RFX3: variants seen among roughly 807,000 people sequenced by gnomAD.
RFX3 encodes the protein regulatory factor X3, also known as transcription factor RFX3.
Under a neutral mutation model 98.6 loss-of-function variants are expected in RFX3, and 14 were observed. The observed-to-expected ratio is 0.14, with a 90% CI of 0.09 to 0.22. The LOEUF (loss-of-function observed/expected upper bound fraction) is 0.22. RFX3 is among the 10% of genes least tolerant of loss of function. The pLI is 1.00. For synonymous variants in RFX3, 383 were observed against 328.4 expected (o/e 1.17, Z -1.80); for missense variants, 639 against 926.9 (o/e 0.69, Z 4.03).
At chr9:3,513,003 C>A (rs1020285453) in intron 1 of RFX3, among the ~76,000 whole-genome samples, 3 of 152,030 alleles carry the variant, frequency 2.0e-5, no homozygotes, top group African/African-American at 7.2e-5. Flanking sequence ...TGAGAATATG[C>A]AATTTTGTAT....
intron 1 of RFX3, among the ~76,000 whole-genome samples, chr9:3,500,961 A>T (rs1030237791): frequency 2.5e-4 from 38 of 152,312 alleles, no homozygotes; most frequent in African/African-American, 8.9e-4. Context: ...AAATGGCAAA[A>T]ATAAAACCAA....
chr9:3,406,084 G>C (rs1223746792), intron 1 of RFX3, among the ~76,000 whole-genome samples: 2 of 151,976 alleles, frequency 1.3e-5, no homozygotes, highest in Admixed American at 1.3e-4. Flanking sequence ...AGCCTCCTTA[G>C]TAGCTGGGAC....
chr9:3,320,729 CAT>C (rs1831177595), intron 4 of RFX3, among the ~76,000 whole-genome samples: 2 of 125,256 alleles, frequency 1.6e-5, no homozygotes, highest in South Asian at 2.3e-4. Flanking sequence ...CATACACACA[CAT>C]ATGTGCCTAT....
In RFX3 at chr9:3,479,462, G is replaced by A. The variant is rs558553887; in HGVS notation, c.-9+46285C>T. On this transcript the variant is annotated intron_variant, in intron 1 of 16. Coordinates refer to ENST00000617270, the MANE Select transcript of RFX3 (RefSeq NM_001282116.2). Reference sequence around the variant, plus strand: ...AGATCACTGATTCTTATCTCTAATAGAAACTTATGAAAAAAATCTGTATTT... The same window carrying A: ...AGATCACTGATTCTTATCTCTAATAAAAACTTATGAAAAAAATCTGTATTT... 5.3e-5 allele frequency among the ~76,000 whole-genome samples: 8 copies of A among 151,980 alleles called. No individual in the cohort carries two copies. The South Asian group carries it at 1.7e-3, about 32-fold the overall frequency.
At chr9:3,426,766 T>C (rs1422080602) in intron 1 of RFX3, among the ~76,000 whole-genome samples, 1 of 152,216 alleles carries the variant, frequency 6.6e-6, no homozygotes, top group Non-Finnish European at 1.5e-5. Context: ...TGGGACTGTC[T>C]AGCTGGAGGG....
chr9:3,395,063 G>A (rs1051019434), intron 2 of RFX3, among the ~76,000 whole-genome samples: 2 of 152,168 alleles, frequency 1.3e-5, no homozygotes, highest in Non-Finnish European at 2.9e-5. Context: ...CCTGGAAGGT[G>A]CATGCATCCT....
At chr9:3,345,735 T>C (rs1237632062) in intron 3 of RFX3, among the ~76,000 whole-genome samples, 1 of 152,140 alleles carries the variant, frequency 6.6e-6, no homozygotes, top group Non-Finnish European at 1.5e-5. Flanking sequence ...TAATAATAGA[T>C]AACAACAACT....
chr9:3,224,983 A>C lies in RFX3; in HGVS notation c.*59T>G. ...CGACCTTCAGGCTTATTAAATTTTC[A>C]ACTTAAGCCCAATATCAACAGGGTT... is the stretch of plus-strand genomic sequence containing the variant. On this transcript the variant is annotated 3_prime_UTR_variant, in exon 17 of 17. Transcript: ENST00000617270. The C allele has an allele frequency of 1.3e-6, 2 of 1,523,820 alleles. No individual in the cohort carries two copies. The highest frequency in any genetic ancestry group is 4.5e-5 in the East Asian group (2 of 44,232). The allele number at this position is 1,523,820 out of a possible 1,614,324, so 94.4% of individuals were successfully genotyped here. A position where few individuals can be genotyped will look rare whatever the true frequency, so the allele number is the denominator to read the frequency against.
chr9:3,357,626 T>C (rs1835932050), intron 2 of RFX3, among the ~76,000 whole-genome samples: 1 of 151,974 alleles, frequency 6.6e-6, no homozygotes. Flanking sequence ...AGAAGTTGGT[T>C]AATGGATACA....
Position 3,330,526 on chromosome 9 carries a change from G to T in RFX3, c.216-9C>A, listed in dbSNP as rs183273476. ...GATACGTTGTTGTTCGGCTTTAGAAGAAGAAGAAAAAAGAAATTTACTAGC... is the reference window on the plus strand; with the variant it reads ...GATACGTTGTTGTTCGGCTTTAGAATAAGAAGAAAAAAGAAATTTACTAGC... On this transcript the variant is annotated splice_polypyrimidine_tract_variant and intron_variant, in intron 3 of 16. Coordinates refer to ENST00000617270, the MANE Select transcript of RFX3 (RefSeq NM_001282116.2). The T allele has an allele frequency of 1.9e-4, 308 of 1,583,882 alleles. No individual in the cohort carries two copies. The highest frequency in any genetic ancestry group is 2.1e-4 in the Non-Finnish European group (248 of 1,163,278).
intron 4 of RFX3, among the ~76,000 whole-genome samples, chr9:3,317,579 G>C (rs1277557519): frequency 1.3e-5 from 2 of 152,170 alleles, no homozygotes; most frequent in Non-Finnish European, 1.5e-5. Flanking sequence ...AGAGTGAACA[G>C]ACAACCTACA....
intron 1 of RFX3, among the ~76,000 whole-genome samples, chr9:3,482,202 A>ATGTTC (rs1372739525): frequency 6.6e-6 from 1 of 151,846 alleles, no homozygotes; most frequent in Non-Finnish European, 1.5e-5. Context: ...ATTACCATTA[A>ATGTTC]AAGATGTTCA....
intron 13 of RFX3, among the ~76,000 whole-genome samples, chr9:3,259,495 G>A (rs188058530): frequency 2.2e-4 from 20 of 89,660 alleles, no homozygotes; most frequent in Admixed American, 5.7e-4. Context: ...ACTTAGAGAT[G>A]TTCTTAAATT....
At chr9:3,301,827 A>T (rs970357650) in intron 4 of RFX3, among the ~76,000 whole-genome samples, 6 of 151,894 alleles carry the variant, frequency 4.0e-5, no homozygotes, top group Admixed American at 1.3e-4. Context: ...GCCCATTCAC[A>T]AAGTAAACCT....
intron 3 of RFX3, among the ~76,000 whole-genome samples, chr9:3,341,780 A>C (rs1455546408): frequency 1.7e-4 from 26 of 152,244 alleles, no homozygotes. Flanking sequence ...ACAATTACTG[A>C]AATCTAAATG....
chr9:3,420,298 A>G (rs537811712), intron 1 of RFX3, among the ~76,000 whole-genome samples: 1 of 152,192 alleles, frequency 6.6e-6, no homozygotes, highest in African/African-American at 2.4e-5. Context: ...TCATGAAACC[A>G]AATGCCCCTA....
At chr9:3,240,502 ACAAT>A (rs1444657718) in intron 15 of RFX3, among the ~76,000 whole-genome samples, 1 of 152,208 alleles carries the variant, frequency 6.6e-6, no homozygotes, top group Non-Finnish European at 1.5e-5. Context: ...AACTGGAGAG[ACAAT>A]CAGAGTGGCA....
chr9:3,327,183 T>C (rs1364653568), intron 4 of RFX3, among the ~76,000 whole-genome samples: 3 of 151,994 alleles, frequency 2.0e-5, no homozygotes, highest in African/African-American at 4.8e-5. Context: ...TCCCATTTAA[T>C]GGCATGGCAT....
chr9:3,398,531 C>A (rs542187021), intron 1 of RFX3, among the ~76,000 whole-genome samples: 66 of 152,300 alleles, frequency 4.3e-4, no homozygotes, highest in African/African-American at 1.5e-3. Flanking sequence ...CTCTTGTCAA[C>A]TCCAAGATGG....
Sources: gnomAD v4.1 joint callset for allele counts (sites outside exome capture counted in the v4.1 genomes callset) on GRCh38, gnomAD v4.1.1 for gene constraint, MANE v1.5 for transcripts, NCBI Gene and HGNC (gene_info 2026-07-23, HGNC 2026-07-21) for gene names.